Variants in LRRK2 observed in about 807,000 individuals in gnomAD.
The protein encoded by LRRK2 is leucine-rich repeat serine/threonine-protein kinase 2.
LRRK2 carries 203 observed loss-of-function variants against 302.6 expected under a neutral mutation model. The ratio of observed to expected loss-of-function variants is 0.67; its 90% CI spans 0.60 to 0.75. LRRK2 has a LOEUF of 0.75. Ranked by LOEUF, LRRK2 falls within the 30% of genes least tolerant of loss-of-function variation. The pLI is 0.00. For synonymous variants in LRRK2, 1,066 were observed against 1,031.9 expected (o/e 1.03, Z -0.63); for missense variants, 2,830 against 2,951.0 (o/e 0.96, Z 0.95).
intron 19 of LRRK2, among the ~76,000 whole-genome samples, chr12:40,285,217 C>G (rs190603217): frequency 3.2e-4 from 48 of 152,212 alleles, no homozygotes; most frequent in Admixed American, 1.4e-3. Flanking sequence ...TTACATGACC[C>G]TATAGCACTT....
chr12:40,273,806 A>G (rs1471381422), intron 14 of LRRK2, among the ~76,000 whole-genome samples: 1 of 152,184 alleles, frequency 6.6e-6, no homozygotes, highest in Non-Finnish European at 1.5e-5. Context: ...AAAGGCAGAG[A>G]TGACCAGAAT....
chr12:40,276,655 G>A (rs563037462), intron 16 of LRRK2, among the ~76,000 whole-genome samples: 1 of 152,118 alleles, frequency 6.6e-6, no homozygotes, highest in South Asian at 2.1e-4. Flanking sequence ...CATTTGCATG[G>A]CCTGCTCTGC....
intron 19 of LRRK2, among the ~76,000 whole-genome samples, 181 bp from the exon 20 acceptor site, chr12:40,287,170 T>G (rs1304132679): frequency 1.3e-5 from 2 of 152,022 alleles, no homozygotes; most frequent in African/African-American, 4.8e-5. Flanking sequence ...TTATGTTTTT[T>G]TAAAAAATAT....
intron 10 of LRRK2, 61 bp from the exon 11 acceptor site, chr12:40,252,848 GT>G: frequency 9.2e-7 from 1 of 1,085,656 alleles, no homozygotes; most frequent in African/African-American, 1.5e-5. Context: ...ATAATGGCAA[GT>G]GAGAATTTGA....
chr12:40,263,301 T>TA (rs1219257008), intron 13 of LRRK2, among the ~76,000 whole-genome samples: 2 of 152,168 alleles, frequency 1.3e-5, no homozygotes, highest in East Asian at 3.8e-4. Flanking sequence ...ACAGAACTTC[T>TA]AAAAAATGAC....
rs780252810 is a variant in LRRK2, at chr12:40,263,753, A to C, written c.1544-36A>C. ...TCTGTTCAACTCAAATGTTTATAAG[A>C]AAATTCTTTCTTTATTTATTTATCT... On this transcript the variant is annotated intron_variant, in intron 13 of 50. Transcript: ENST00000298910. 3.4e-6 allele frequency: 5 copies of C among 1,459,196 alleles called. No homozygotes were observed. The South Asian group carries it at 5.8e-5, about 17-fold the overall frequency. 90.4% of individuals were successfully genotyped at this position (1,459,196 alleles called of 1,614,324 possible).
chr12:40,285,145 C>T (rs970333625), intron 19 of LRRK2, among the ~76,000 whole-genome samples: 2 of 152,132 alleles, frequency 1.3e-5, no homozygotes, highest in African/African-American at 4.8e-5. Flanking sequence ...TAAATTCTCT[C>T]TTCACCTGGC....
Position 40,243,553 on chromosome 12 carries a change from A to G in LRRK2, c.710A>G (p.Asn237Ser), listed in dbSNP as rs757649152. The change falls in exon 7 of 51, where the codon AAT (asparagine) becomes AGT (serine). Residue 237 changes from asparagine to serine, a missense_variant. By Grantham distance (46) the Asn-to-Ser change is conservative. Coordinates refer to ENST00000298910, the MANE Select transcript of LRRK2 (RefSeq NM_198578.4). ...HCLHSLAIPC[N>S]NVEVLMSGNV... Reference sequence around the variant, plus strand: ...ATTATGATCTCTTTAAATTCAGGCAATAATGTGGAAGTCCTCATGAGTGGC... The same window carrying G: ...ATTATGATCTCTTTAAATTCAGGCAGTAATGTGGAAGTCCTCATGAGTGGC... 3 of 1,611,234 alleles carry G rather than the reference A, an allele frequency of 1.9e-6. No individual in the cohort carries two copies. The highest frequency in any genetic ancestry group is 2.5e-6 in the Non-Finnish European group (3 of 1,178,004).
intron 18 of LRRK2, among the ~76,000 whole-genome samples, chr12:40,280,495 C>T (rs1943640831): frequency 6.6e-6 from 1 of 151,674 alleles, no homozygotes; most frequent in Non-Finnish European, 1.5e-5. Flanking sequence ...TATGGTGGTA[C>T]CTGCTTATAG....
intron 20 of LRRK2, among the ~76,000 whole-genome samples, chr12:40,291,133 C>T (rs1331085255): frequency 6.6e-6 from 1 of 151,784 alleles, no homozygotes; most frequent in Non-Finnish European, 1.5e-5. Flanking sequence ...TTTGTAGGGA[C>T]ATGGATGAAG....
intron 6 of LRRK2, among the ~76,000 whole-genome samples, chr12:40,241,554 G>A (rs17519573): frequency 0.14 from 21,806 of 150,830 alleles, 1,708 homozygotes; most frequent in Non-Finnish European, 0.19. Context: ...GGTTTCTACA[G>A]GATATACATA....
chr12:40,362,509 T>A (rs1483824844), intron 47 of LRRK2, among the ~76,000 whole-genome samples: 3 of 152,022 alleles, frequency 2.0e-5, no homozygotes, highest in African/African-American at 7.2e-5. Context: ...GAAAATACAT[T>A]GTCCTCATCC....
chr12:40,356,988 T>A (rs1042962034), intron 46 of LRRK2, among the ~76,000 whole-genome samples: 2 of 152,196 alleles, frequency 1.3e-5, no homozygotes, highest in Admixed American at 1.3e-4. Flanking sequence ...TTTTTAACTG[T>A]AGTCACTTTA....
At chr12:40,228,967 C>T (rs1941041608) in intron 2 of LRRK2, among the ~76,000 whole-genome samples, 1 of 152,198 alleles carries the variant, frequency 6.6e-6, no homozygotes, top group Non-Finnish European at 1.5e-5. Flanking sequence ...CCTTCAAAAT[C>T]TCTTTCCATC....
chr12:40,238,141 GA>G (rs779335616), intron 5 of LRRK2, 38 bp downstream of exon 5: 7 of 1,588,082 alleles, frequency 4.4e-6, no homozygotes, highest in South Asian at 2.3e-5. Flanking sequence ...GTATATATAA[GA>G]AAAAAAGGCT....
At chr12:40,285,051 G>T (rs920054053) in intron 19 of LRRK2, among the ~76,000 whole-genome samples, 2 of 151,922 alleles carry the variant, frequency 1.3e-5, no homozygotes, top group African/African-American at 4.8e-5. Flanking sequence ...TTCCAATCAG[G>T]CTGAATTTTC....
chr12:40,316,697 T>A (rs1945233966), intron 33 of LRRK2, among the ~76,000 whole-genome samples: 1 of 152,070 alleles, frequency 6.6e-6, no homozygotes, highest in South Asian at 2.1e-4. Flanking sequence ...TTATATTGGA[T>A]CTATTTGGCA....
intron 48 of LRRK2, 85 bp downstream of exon 48, chr12:40,363,639 C>T (rs1272606682): frequency 6.8e-7 from 1 of 1,462,050 alleles, no homozygotes; most frequent in African/African-American, 1.4e-5. Context: ...TTCTTCCTTT[C>T]TGCCTCTGAA....
At chr12:40,297,634 G>C (rs180857791) in intron 23 of LRRK2, among the ~76,000 whole-genome samples, 8 of 151,882 alleles carry the variant, frequency 5.3e-5, no homozygotes, top group Non-Finnish European at 7.4e-5. Context: ...GATTGATTTT[G>C]GTATTTTAGC....
Sources: gnomAD v4.1 joint callset for allele counts (sites outside exome capture counted in the v4.1 genomes callset) on GRCh38, gnomAD v4.1.1 for gene constraint, MANE v1.5 for transcripts, NCBI Gene and HGNC (gene_info 2026-07-23, HGNC 2026-07-21) for gene names.